ANO3: variants seen among roughly 807,000 people sequenced by gnomAD.
ANO3 encodes the protein anoctamin 3, also known as anoctamin-3.
Under a neutral mutation model 144.8 loss-of-function variants are expected in ANO3, and 99 were observed. The observed-to-expected ratio is 0.68, with a 90% confidence interval of 0.58 to 0.81. The LOEUF (loss-of-function observed/expected upper bound fraction) is 0.81, where lower values mean the gene tolerates loss of function less well. Ranked by LOEUF, ANO3 falls within the 30% of genes least tolerant of loss-of-function variation. ANO3 has a pLI of 0.00. For missense variants in ANO3, 905 were observed against 1,202.2 expected, an observed-to-expected ratio of 0.75 and a Z score of 3.66; for synonymous variants, 414 against 392.6, an observed-to-expected ratio of 1.05 and a Z score of -0.64.
intron 26 of ANO3, among the ~76,000 whole-genome samples, chr11:26,658,623 T>C (rs975574389): frequency 2.6e-5 from 4 of 152,062 alleles, no homozygotes; most frequent in African/African-American, 9.7e-5. Flanking sequence ...AAAAAAGCTA[T>C]ACTGAATTAT....
intron 1 of ANO3, among the ~76,000 whole-genome samples, chr11:26,391,241 G>A (rs1856870594): frequency 6.6e-6 from 1 of 151,970 alleles, no homozygotes. Context: ...CATGACGAAG[G>A]GGCTCACCAG....
chr11:26,312,337 T>A (rs575604435), intron 1 of ANO3, among the ~76,000 whole-genome samples: 5 of 152,258 alleles, frequency 3.3e-5, no homozygotes, highest in Admixed American at 3.3e-4. Flanking sequence ...CAGCATGATT[T>A]GTAATCCTTT....
intron 1 of ANO3, among the ~76,000 whole-genome samples, chr11:26,286,672 C>T (rs539819648): frequency 7.2e-5 from 11 of 152,064 alleles, no homozygotes; most frequent in Admixed American, 2.0e-4. Context: ...CAGAAGATGG[C>T]GATATGGATG....
intron 1 of ANO3, among the ~76,000 whole-genome samples, chr11:26,274,284 A>G (rs918677436): frequency 2.0e-5 from 3 of 152,182 alleles, no homozygotes; most frequent in African/African-American, 4.8e-5. Flanking sequence ...TTAACAATAT[A>G]CAAATAAACA....
At chr11:26,297,885 A>G (rs770752942) in intron 1 of ANO3, among the ~76,000 whole-genome samples, 19 of 152,190 alleles carry the variant, frequency 1.2e-4, no homozygotes, top group Non-Finnish European at 2.1e-4. Flanking sequence ...TGACATAATC[A>G]GTAAGTAACA....
chr11:26,578,726 A>G (rs1590578257), intron 14 of ANO3, among the ~76,000 whole-genome samples: 1 of 151,980 alleles, frequency 6.6e-6, no homozygotes, highest in Non-Finnish European at 1.5e-5. Flanking sequence ...TGTGTGTAGA[A>G]TATGGGGATA....
chr11:26,312,653 G>T (rs1854527743), intron 1 of ANO3, among the ~76,000 whole-genome samples: 1 of 152,162 alleles, frequency 6.6e-6, no homozygotes, highest in Non-Finnish European at 1.5e-5. Context: ...GTTTTGAGAA[G>T]TGTCTGTTCA....
At chr11:26,420,754 G>A (rs536188526) in intron 1 of ANO3, among the ~76,000 whole-genome samples, 1 of 151,920 alleles carries the variant, frequency 6.6e-6, no homozygotes, top group Admixed American at 6.6e-5. Context: ...ACTCTTTATT[G>A]GTTTCTTTTC....
chr11:26,442,535 T>C (rs1418963085), intron 2 of ANO3, among the ~76,000 whole-genome samples: 1 of 152,188 alleles, frequency 6.6e-6, no homozygotes, highest in Non-Finnish European at 1.5e-5. Flanking sequence ...TTTGGTGGCA[T>C]AAAGATTTAG....
At chr11:26,278,768 T>C (rs1433576948) in intron 1 of ANO3, among the ~76,000 whole-genome samples, 2 of 152,078 alleles carry the variant, frequency 1.3e-5, no homozygotes, top group Non-Finnish European at 2.9e-5. Context: ...ACCTCTCTAT[T>C]GGTGTTCTCT....
chr11:26,484,321 T>G (rs1220706104), intron 4 of ANO3, among the ~76,000 whole-genome samples: 1 of 152,106 alleles, frequency 6.6e-6, no homozygotes, highest in Non-Finnish European at 1.5e-5. Context: ...AAAATGCCTA[T>G]ACAACCTGAA....
intron 1 of ANO3, among the ~76,000 whole-genome samples, chr11:26,293,323 C>T (rs1854003114): frequency 6.6e-6 from 1 of 151,072 alleles, no homozygotes; most frequent in Non-Finnish European, 1.5e-5. Context: ...AATAGAAAAA[C>T]AAGAGAGGCT....
Position 26,531,283 on chromosome 11 carries a change from C to G in ANO3, c.816C>G (p.Asp272Glu), listed in dbSNP as rs1320614333. Reference protein sequence around the residue: ...PMVLDKSAFPDLEESDCYTGP... With the variant: ...PMVLDKSAFPELEESDCYTGP... The stretch of plus-strand genomic sequence containing the variant: ...TTCTTGACAAGTCAGCTTTTCCAGA[C>G]CTAGAGGAGTCAGACTGCTATACTG... The change falls in exon 8 of 27, where the codon GAC becomes GAG. Residue 272 changes from aspartate to glutamate, a missense_variant. Around this residue, in one of 4 missense-constraint regions of ANO3, gnomAD observed 71 missense variants for 57.9 expected, o/e 1.23. Transcript: ENST00000256737. 2.5e-6 allele frequency: 4 copies of G among 1,614,016 alleles called. No homozygotes were observed. The Admixed American group carries it at 5.0e-5, about 20-fold the overall frequency.
At chr11:26,588,338 T>C (rs1354442267) in intron 14 of ANO3, among the ~76,000 whole-genome samples, 1 of 152,224 alleles carries the variant, frequency 6.6e-6, no homozygotes, top group Non-Finnish European at 1.5e-5. Context: ...CTGTATACCT[T>C]TTTCTAATTA....
chr11:26,206,914 C>T (rs887271554), intron 1 of ANO3, among the ~76,000 whole-genome samples: 20 of 152,030 alleles, frequency 1.3e-4, no homozygotes, highest in Non-Finnish European at 1.8e-4. Context: ...GAGAAATCAC[C>T]CAACAGGGAT....
At chr11:26,309,303 C>T (rs376121065), upstream of ANO3, among the ~76,000 whole-genome samples, 57 of 152,068 alleles carry the variant, frequency 3.7e-4, no homozygotes, top group African/African-American at 1.4e-3. Context: ...GTACAGCCTC[C>T]GAGTTTGGGG....
intron 17 of ANO3, among the ~76,000 whole-genome samples, chr11:26,616,436 GTT>G (rs35002566): frequency 0.29 from 39,638 of 137,058 alleles, 5,440 homozygotes; most frequent in South Asian, 0.44. Context: ...TGCGTTTCTG[GTT>G]TTTTTTTTTT....
At chr11:26,344,297 A>G (rs763135333) in intron 1 of ANO3, among the ~76,000 whole-genome samples, 10 of 152,128 alleles carry the variant, frequency 6.6e-5, no homozygotes, top group Non-Finnish European at 1.3e-4. Flanking sequence ...TATGATGTCA[A>G]TCCCTAAGAA....
intron 24 of ANO3, among the ~76,000 whole-genome samples, chr11:26,651,021 AC>A (rs1853514141): frequency 6.6e-6 from 1 of 152,210 alleles, no homozygotes; most frequent in Non-Finnish European, 1.5e-5. Flanking sequence ...ATTTTGGATA[AC>A]TTTTGTTTAC....
Sources: gnomAD v4.1 joint callset for allele counts (sites outside exome capture counted in the v4.1 genomes callset) on GRCh38, gnomAD v4.1.1 for gene constraint, gnomAD v4.1.1 regional missense constraint, MANE v1.5 for transcripts, NCBI Gene and HGNC (gene_info 2026-07-23, HGNC 2026-07-21) for gene names.